GLT6D1: variants seen among roughly 807,000 people sequenced by gnomAD.
GLT6D1 encodes the protein glycosyltransferase 6 domain containing 1.
A neutral mutation model predicts 12.3 loss-of-function variants in GLT6D1; 9 were observed. The ratio of observed to expected loss-of-function variants is 0.73; its 90% CI spans 0.44 to 1.27. The LOEUF (loss-of-function observed/expected upper bound fraction) is 1.27. Among genes scored for constraint, GLT6D1 ranks in the 50% most tolerant of loss-of-function variants. The pLI is 0.00. For synonymous variants in GLT6D1, 128 were observed against 132.3 expected, an observed-to-expected ratio of 0.97 and a Z score of 0.23; for missense variants, 335 against 346.2, an observed-to-expected ratio of 0.97 and a Z score of 0.26.
At position 135,624,550 on chromosome 9, in the gene GLT6D1, G is replaced by A. The variant is rs201750332; in HGVS notation, c.378C>T (p.Pro126=). The A allele has an allele frequency of 7.1e-5, 115 of 1,613,822 alleles. 1 individual carries two copies. Among genetic ancestry groups the A allele is most frequent in the South Asian group, 6.3e-4 (57 of 91,076 alleles). The change falls in exon 5 of 5, where the codon CCC becomes CCT. Residue 126 remains proline, a synonymous_variant. Coordinates refer to ENST00000371763, the MANE Select transcript of GLT6D1 (RefSeq NM_182974.3). Reference sequence around the variant, plus strand: ...ATGCTTTGAACGTTCGAAGAGGACTGGGCTCTATGTCAGGCAGCTTGAAGA... The same window carrying A: ...ATGCTTTGAACGTTCGAAGAGGACTAGGCTCTATGTCAGGCAGCTTGAAGA... ...DAFFKLPDIE[P]SPLRTFKAFK...
In GLT6D1 at chr9:135,639,143, T is replaced by C; in HGVS notation, c.45A>G (p.Ser15=). ...TGAAATAACGCTCAACCAACATCAG[T>C]GAAAAAGCAAATAAAACCAATAACA... ...RMLLLVLFAF[S]LMLVERYFRN... is the part of the protein sequence containing the mutation. Residue 15 remains serine (S), a synonymous_variant, in exon 2 of 5, where the codon TCA becomes TCG. Coordinates refer to ENST00000371763, the MANE Select transcript of GLT6D1 (RefSeq NM_182974.3). The C allele has an allele frequency of 1.9e-6, 3 of 1,588,684 alleles. No homozygotes were observed. The highest frequency in any genetic ancestry group is 2.6e-6 in the Non-Finnish European group (3 of 1,157,848).
chr9:135,638,019 G>A (rs1038673337), intron 2 of GLT6D1, among the ~76,000 whole-genome samples: 15 of 152,160 alleles, frequency 9.9e-5, no homozygotes, highest in East Asian at 1.9e-4. Context: ...CTGTTTTCAC[G>A]CTGCTGATAA....
In GLT6D1 at chr9:135,631,312, C is replaced by A. The variant is rs1001939355; in HGVS notation, c.119+119G>T. ...GTTTATAAGAGCCTCGAAAATAAAA[C>A]TCCAATTCTGGAAACGTCCCAGGAG... On this transcript the variant is annotated intron_variant, in intron 3 of 4. Coordinates refer to ENST00000371763, the MANE Select transcript of GLT6D1 (RefSeq NM_182974.3). The A allele has an allele frequency of 7.5e-6, 6 of 803,164 alleles. No individual in the cohort carries two copies. In the African/African-American group the frequency reaches 1.0e-4, roughly 14 times the overall value. The allele number at this position is 803,164 out of a possible 1,614,324, so 49.8% of individuals were successfully genotyped here. A position where few individuals can be genotyped will look rare whatever the true frequency, so the allele number is the denominator to read the frequency against.
At chr9:135,630,398 C>A (rs1382401003) in intron 3 of GLT6D1, among the ~76,000 whole-genome samples, 9 of 103,776 alleles carry the variant, frequency 8.7e-5, no homozygotes, top group Admixed American at 2.2e-4. Flanking sequence ...GAGTGAGACT[C>A]TGTCTCAGAA....
At chr9:135,633,033 A>T (rs962624637) in intron 2 of GLT6D1, among the ~76,000 whole-genome samples, 1 of 152,128 alleles carries the variant, frequency 6.6e-6, no homozygotes, top group African/African-American at 2.4e-5. Flanking sequence ...GCACGCACAC[A>T]CGCAAGCACA....
intron 2 of GLT6D1, among the ~76,000 whole-genome samples, chr9:135,634,852 T>C (rs1833735905): frequency 1.3e-5 from 2 of 152,156 alleles, no homozygotes; most frequent in Admixed American, 6.5e-5. Context: ...GACCCCATCA[T>C]GACTTCCTAT....
intron 2 of GLT6D1, among the ~76,000 whole-genome samples, chr9:135,635,858 C>T (rs1242539727): frequency 6.6e-6 from 1 of 152,226 alleles, no homozygotes; most frequent in Non-Finnish European, 1.5e-5. Context: ...CACTGTGGCC[C>T]CCTCTCTTGC....
chr9:135,639,246 T>C lies in GLT6D1; in HGVS notation c.-7+47A>G. ...TTTTAAGCAATAAAAAATGACATATTTGTCATCATCTAACAATGGGTTAAT... is the reference window on the plus strand; with the variant it reads ...TTTTAAGCAATAAAAAATGACATATCTGTCATCATCTAACAATGGGTTAAT... On this transcript the variant is annotated intron_variant, in intron 1 of 4. Transcript: ENST00000371763. The C allele has an allele frequency of 9.8e-6, 10 of 1,022,828 alleles. 1 individual carries two copies. Among genetic ancestry groups the C allele is most frequent in the Non-Finnish European group, 1.5e-5 (10 of 662,412 alleles). The allele number at this position is 1,022,828 out of a possible 1,614,324, so 63.4% of individuals were successfully genotyped here.
At chr9:135,628,564 TTGTC>T (rs753627253) in intron 3 of GLT6D1, among the ~76,000 whole-genome samples, 2 of 152,092 alleles carry the variant, frequency 1.3e-5, no homozygotes. Context: ...TGTGATACCT[TTGTC>T]TGGTTTTGAT....
At chr9:135,627,996 T>C (rs1833557420) in intron 3 of GLT6D1, among the ~76,000 whole-genome samples, 1 of 152,210 alleles carries the variant, frequency 6.6e-6, no homozygotes, top group Non-Finnish European at 1.5e-5. Context: ...TTTGGAGAAA[T>C]GGCTATTCAG....
intron 4 of GLT6D1, among the ~76,000 whole-genome samples, chr9:135,625,636 T>C (rs1309934133): frequency 6.6e-6 from 1 of 152,162 alleles, no homozygotes; most frequent in Non-Finnish European, 1.5e-5. Context: ...CTGAGCTCAC[T>C]AGGATTGCAA....
rs1003157073 is a variant in GLT6D1, at chr9:135,623,974, T to C, written c.*123A>G. ...TTATAAGAAATTGCCGTGATTCATT[T>C]ATTCGTCATAAACCTCATGGCGTAA... On this transcript the variant is annotated 3_prime_UTR_variant, in exon 5 of 5. Coordinates refer to ENST00000371763, the MANE Select transcript of GLT6D1 (RefSeq NM_182974.3). 7.6e-6 allele frequency: 5 copies of C among 654,330 alleles called. No homozygotes were observed. Among genetic ancestry groups the C allele is most frequent in the African/African-American group, 1.9e-5 (1 of 53,642 alleles). The allele number at this position is 654,330 out of a possible 1,614,324, so 40.5% of individuals were successfully genotyped here.
intron 3 of GLT6D1, among the ~76,000 whole-genome samples, chr9:135,629,801 C>G (rs901269484): frequency 6.6e-6 from 1 of 152,042 alleles, no homozygotes; most frequent in Non-Finnish European, 1.5e-5. Context: ...TTTGATGTAT[C>G]TTATTGATGG....
intron 3 of GLT6D1, among the ~76,000 whole-genome samples, chr9:135,630,520 G>A (rs1400239810): frequency 6.6e-6 from 1 of 151,624 alleles, no homozygotes; most frequent in Non-Finnish European, 1.5e-5. Flanking sequence ...AGGAGTTCAA[G>A]ACCAGCCTGG....
chr9:135,637,018 A>G (rs1468728130), intron 2 of GLT6D1, among the ~76,000 whole-genome samples: 1 of 151,754 alleles, frequency 6.6e-6, no homozygotes, highest in African/African-American at 2.4e-5. Flanking sequence ...ATGCCCAGGT[A>G]ATTTTGTATT....
chr9:135,634,025 A>C (rs1046872881), intron 2 of GLT6D1, among the ~76,000 whole-genome samples: 15 of 152,206 alleles, frequency 9.9e-5, no homozygotes, highest in African/African-American at 3.1e-4. Flanking sequence ...CAAACAGAGC[A>C]TCTGAAACTC....
At chr9:135,633,457 C>T (rs898318208) in intron 2 of GLT6D1, among the ~76,000 whole-genome samples, 4 of 151,874 alleles carry the variant, frequency 2.6e-5, no homozygotes, top group African/African-American at 7.2e-5. Flanking sequence ...TTAGTAGACA[C>T]GGGGCCAGGC....
In GLT6D1 at chr9:135,623,995, C is replaced by A; in HGVS notation, c.*102G>T. The A allele has an allele frequency of 1.3e-6, 1 of 744,830 alleles. No homozygotes were observed. Among genetic ancestry groups the A allele is most frequent in the Non-Finnish European group, 2.3e-6 (1 of 440,824 alleles). The allele number at this position is 744,830 out of a possible 1,614,324, so 46.1% of individuals were successfully genotyped here. A position where few individuals can be genotyped will look rare whatever the true frequency, so the allele number is the denominator to read the frequency against. On this transcript the variant is annotated 3_prime_UTR_variant, in exon 5 of 5. Coordinates refer to ENST00000371763, the MANE Select transcript of GLT6D1 (RefSeq NM_182974.3). ...CATTTATTCGTCATAAACCTCATGG[C>A]GTAATTCATAATTTCCTCTGGGAAT...
At chr9:135,631,356 G>T in intron 3 of GLT6D1, 75 bp downstream of exon 3, 1 of 1,165,066 alleles carries the variant, frequency 8.6e-7, no homozygotes, top group Non-Finnish European at 1.3e-6. Context: ...TTGGTGACTG[G>T]GGAAGAAAAA....
Sources: allele counts gnomAD v4.1 joint callset (sites outside exome capture counted in the v4.1 genomes callset), GRCh38; gene constraint gnomAD v4.1.1; transcripts MANE v1.5; gene names NCBI Gene and HGNC (gene_info 2026-07-23, HGNC 2026-07-21).